Variants in TMEM163 observed in about 807,000 individuals in gnomAD.
TMEM163 encodes transmembrane protein 163.
TMEM163 carries 17 observed loss-of-function variants against 29.3 expected under a neutral mutation model. That is an observed-to-expected ratio of 0.58 (90% CI 0.40 to 0.87). The LOEUF (loss-of-function observed/expected upper bound fraction) is 0.87, where lower values mean the gene tolerates loss of function less well. TMEM163 is among the 40% of genes least tolerant of loss of function. The pLI, the probability that TMEM163 is intolerant of heterozygous loss-of-function variation, is 0.00. For missense variants in TMEM163, 303 were observed against 381.5 expected, an observed-to-expected ratio of 0.79 and a Z score of 1.71; for synonymous variants, 157 against 160.6, an observed-to-expected ratio of 0.98 and a Z score of 0.17.
At position 134,552,590 on chromosome 2, in the gene TMEM163, G is replaced by C. The variant is rs370501502; in HGVS notation, c.323-499C>G. 1.0e-4 allele frequency among the ~76,000 whole-genome samples: 15 copies of C among 150,696 alleles called. 1 individual carries two copies. In the South Asian group the frequency reaches 3.1e-3, roughly 32 times the overall value. ...GAGTGACAAATGATCTTAAACAACA[G>C]ATGTCTACAAATAGAGATGTCTACA... On this transcript the variant is annotated intron_variant, in intron 2 of 7. Coordinates refer to ENST00000281924, the MANE Select transcript of TMEM163 (RefSeq NM_030923.5).
At chr2:134,463,590 C>T (rs2106473219) in intron 6 of TMEM163, among the ~76,000 whole-genome samples, 1 of 152,312 alleles carries the variant, frequency 6.6e-6, no homozygotes, top group South Asian at 2.1e-4. Context: ...GCTGTGGCCT[C>T]AGTATGCTGT....
intron 1 of TMEM163, 26 bp downstream of exon 1, chr2:134,718,708 G>T (rs952401191): frequency 3.5e-6 from 4 of 1,139,206 alleles, no homozygotes; most frequent in South Asian, 4.0e-5. Flanking sequence ...CCCGGTCGCC[G>T]GCCGGGTCGG....
chr2:134,629,631 C>A (rs751654797), intron 2 of TMEM163, among the ~76,000 whole-genome samples: 1 of 152,102 alleles, frequency 6.6e-6, no homozygotes, highest in Non-Finnish European at 1.5e-5. Context: ...ACTACTTCCC[C>A]CTCTCCAATC....
intron 2 of TMEM163, among the ~76,000 whole-genome samples, chr2:134,572,291 G>A (rs764993518): frequency 9.2e-5 from 14 of 152,162 alleles, no homozygotes; most frequent in Non-Finnish European, 1.5e-4. Context: ...GTCCACTTCA[G>A]AGCAGAGACT....
At chr2:134,623,696 G>A (rs1682787445) in intron 2 of TMEM163, among the ~76,000 whole-genome samples, 1 of 152,130 alleles carries the variant, frequency 6.6e-6, no homozygotes, top group Non-Finnish European at 1.5e-5. Flanking sequence ...GAACCCGGGA[G>A]GCAGAGGTTA....
At chr2:134,698,504 TTAAAA>T (rs1207559300) in intron 2 of TMEM163, among the ~76,000 whole-genome samples, 1 of 152,230 alleles carries the variant, frequency 6.6e-6, no homozygotes, top group Non-Finnish European at 1.5e-5. Context: ...TTTATTAGTC[TTAAAA>T]TAAACAGCTT....
At chr2:134,644,250 T>A (rs139148589) in intron 2 of TMEM163, among the ~76,000 whole-genome samples, 1 of 152,062 alleles carries the variant, frequency 6.6e-6, no homozygotes, top group African/African-American at 2.4e-5. Flanking sequence ...TTTCTAGATA[T>A]AGAGGAGTTG....
chr2:134,507,523 G>A (rs1679851034), intron 4 of TMEM163, among the ~76,000 whole-genome samples: 2 of 152,168 alleles, frequency 1.3e-5, no homozygotes, highest in East Asian at 1.9e-4. Context: ...CCCTCAATCT[G>A]TGTTTTAATA....
chr2:134,671,167 A>G (rs1025684670), intron 2 of TMEM163, among the ~76,000 whole-genome samples: 8 of 152,186 alleles, frequency 5.3e-5, no homozygotes, highest in African/African-American at 1.9e-4. Flanking sequence ...AAGAGCAAAT[A>G]AGGCAAAGAC....
At chr2:134,597,043 A>G (rs202178255) in intron 2 of TMEM163, among the ~76,000 whole-genome samples, 1 of 152,174 alleles carries the variant, frequency 6.6e-6, no homozygotes, top group Non-Finnish European at 1.5e-5. Context: ...TAGATATACA[A>G]TCATGTCATC....
intron 2 of TMEM163, among the ~76,000 whole-genome samples, chr2:134,616,307 T>C (rs1230106487): frequency 3.3e-5 from 5 of 152,230 alleles, no homozygotes; most frequent in Non-Finnish European, 7.4e-5. Context: ...TTCTTCACCA[T>C]GGCAATTCTC....
At chr2:134,685,499 A>G (rs946896376) in intron 2 of TMEM163, among the ~76,000 whole-genome samples, 1 of 152,226 alleles carries the variant, frequency 6.6e-6, no homozygotes, top group Admixed American at 6.5e-5. Context: ...TAAATTATGG[A>G]CATGAATTAT....
At chr2:134,673,364 A>C (rs1684036444) in intron 2 of TMEM163, among the ~76,000 whole-genome samples, 1 of 152,082 alleles carries the variant, frequency 6.6e-6, no homozygotes, top group Non-Finnish European at 1.5e-5. Context: ...ACATCCTTTC[A>C]TGAGTTCCCA....
At chr2:134,501,216 G>A (rs942019007) in intron 5 of TMEM163, among the ~76,000 whole-genome samples, 3 of 152,264 alleles carry the variant, frequency 2.0e-5, no homozygotes, top group East Asian at 1.9e-4. Flanking sequence ...AAGGACAGGC[G>A]CAACCATGGA....
At chr2:134,535,331 G>A (rs1024552995) in intron 4 of TMEM163, among the ~76,000 whole-genome samples, 1 of 152,182 alleles carries the variant, frequency 6.6e-6, no homozygotes, top group African/African-American at 2.4e-5. Flanking sequence ...AAATTTTGGT[G>A]GGTGCTAACA....
intron 5 of TMEM163, among the ~76,000 whole-genome samples, chr2:134,486,727 G>A (rs1018089506): frequency 9.9e-5 from 15 of 152,140 alleles, no homozygotes; most frequent in Non-Finnish European, 1.8e-4. Context: ...AAGTAGAAAA[G>A]CTGCCTAGTT....
chr2:134,499,701 G>A (rs918420119), intron 5 of TMEM163, among the ~76,000 whole-genome samples: 1 of 152,224 alleles, frequency 6.6e-6, no homozygotes, highest in Non-Finnish European at 1.5e-5. Context: ...CAAGGGACAG[G>A]GCTGGGGAAG....
At chr2:134,497,112 C>T (rs1205730853) in intron 5 of TMEM163, among the ~76,000 whole-genome samples, 1 of 152,180 alleles carries the variant, frequency 6.6e-6, no homozygotes, top group Non-Finnish European at 1.5e-5. Flanking sequence ...CTCATGTGAT[C>T]GTGTCTATTA....
chr2:134,650,543 T>C (rs560092949), intron 2 of TMEM163, among the ~76,000 whole-genome samples: 15 of 145,060 alleles, frequency 1.0e-4, no homozygotes, highest in Non-Finnish European at 2.1e-4. Flanking sequence ...TTTTGTTTTT[T>C]GTTTTTTTAT....
Sources: allele counts gnomAD v4.1 joint callset (sites outside exome capture counted in the v4.1 genomes callset), GRCh38; gene constraint gnomAD v4.1.1; transcripts MANE v1.5; gene names NCBI Gene and HGNC (gene_info 2026-07-23, HGNC 2026-07-21).